Variants in NMU observed in about 807,000 individuals in gnomAD.
NMU encodes the protein neuromedin-U.
NMU carries 29 observed loss-of-function variants against 35.4 expected under a neutral mutation model. The ratio of observed to expected loss-of-function variants is 0.82; its 90% confidence interval spans 0.61 to 1.12. NMU has a LOEUF of 1.12. Among genes scored for constraint, NMU ranks in the 50% most tolerant of loss-of-function variants. The pLI is 0.00. For missense variants in NMU, 199 were observed against 206.2 expected, an observed-to-expected ratio of 0.97 and a Z score of 0.21; for synonymous variants, 78 against 81.3, an observed-to-expected ratio of 0.96 and a Z score of 0.22.
intron 2 of NMU, among the ~76,000 whole-genome samples, chr4:55,626,904 G>C (rs1734554083): frequency 6.6e-6 from 1 of 152,204 alleles, no homozygotes; most frequent in South Asian, 2.1e-4. Context: ...TCCTAACAAA[G>C]ATATTGCCCT....
chr4:55,620,029 A>G (rs1004170666), intron 2 of NMU, among the ~76,000 whole-genome samples: 3 of 148,320 alleles, frequency 2.0e-5, no homozygotes, highest in African/African-American at 7.4e-5. Flanking sequence ...CACCATCATC[A>G]AAGACCAAAA....
chr4:55,628,378 T>C (rs1456481458), intron 2 of NMU, among the ~76,000 whole-genome samples: 1 of 152,180 alleles, frequency 6.6e-6, no homozygotes, highest in South Asian at 2.1e-4. Flanking sequence ...GACTTCCCCC[T>C]GCCTTTTGAA....
chr4:55,617,219 G>A lies in NMU; in HGVS notation c.172-834C>T, dbSNP rs563808084. 5.1e-4 allele frequency among the ~76,000 whole-genome samples: 78 copies of A among 152,062 alleles called. No homozygotes were observed. In the South Asian group the frequency reaches 0.011, roughly 22 times the overall value. On this transcript the variant is annotated intron_variant, in intron 2 of 9. Transcript: ENST00000264218. ...AATTCTTTTTCTCATACCAGGGGGC[G>A]GATTATTATACTCTACTGTCATAAA...
chr4:55,608,076 G>A (rs2110192084), intron 4 of NMU, among the ~76,000 whole-genome samples: 1 of 151,710 alleles, frequency 6.6e-6, no homozygotes, highest in South Asian at 2.1e-4. Context: ...TCAGGAGGCT[G>A]AGGCAGAAGA....
intron 2 of NMU, among the ~76,000 whole-genome samples, chr4:55,627,941 A>G (rs966986961): frequency 8.5e-5 from 13 of 152,254 alleles, no homozygotes; most frequent in Non-Finnish European, 2.9e-5. Context: ...AAGGTTATGT[A>G]TCAAACTTCT....
chr4:55,595,491 TATAA>T (rs1733129169), intron 9 of NMU, 80 bp from the exon 10 acceptor site: 2 of 150,248 alleles, frequency 1.3e-5, no homozygotes, highest in South Asian at 4.2e-4. Flanking sequence ...TAGACATTTC[TATAA>T]ATATTTTGTC....
At chr4:55,634,139 T>C (rs1715772532) in intron 1 of NMU, among the ~76,000 whole-genome samples, 1 of 152,226 alleles carries the variant, frequency 6.6e-6, no homozygotes, top group Non-Finnish European at 1.5e-5. Flanking sequence ...TCCAGTTGCA[T>C]CTTGCATGAT....
At chr4:55,629,516 G>A (rs1302145657) in intron 2 of NMU, among the ~76,000 whole-genome samples, 1 of 151,690 alleles carries the variant, frequency 6.6e-6, no homozygotes, top group Non-Finnish European at 1.5e-5. Flanking sequence ...CTACTTGGGA[G>A]GCTGAGGTGG....
intron 2 of NMU, 72 bp downstream of exon 2, chr4:55,630,330 T>A: frequency 1.8e-6 from 2 of 1,087,018 alleles, no homozygotes; most frequent in Non-Finnish European, 2.8e-6. Flanking sequence ...CAAAGCTCAA[T>A]TATACATTTT....
intron 9 of NMU, among the ~76,000 whole-genome samples, chr4:55,597,265 G>C (rs74676809): frequency 0.038 from 5,710 of 151,618 alleles, 364 homozygotes; most frequent in African/African-American, 0.13. Context: ...TTCTTTCTCT[G>C]AGCTGAAAAA....
At chr4:55,618,308 C>A (rs952185489) in intron 2 of NMU, among the ~76,000 whole-genome samples, 1 of 152,040 alleles carries the variant, frequency 6.6e-6, no homozygotes, top group Non-Finnish European at 1.5e-5. Flanking sequence ...CCCATCAACT[C>A]GTCATCTAGG....
intron 3 of NMU, among the ~76,000 whole-genome samples, chr4:55,611,346 G>A (rs1211891758): frequency 6.6e-6 from 1 of 152,094 alleles, no homozygotes; most frequent in Non-Finnish European, 1.5e-5. Flanking sequence ...CTGGATGACA[G>A]AATGAAACCC....
In NMU at chr4:55,604,018, T is replaced by TAC. The variant is rs1560513693; in HGVS notation, c.435+1256_435+1257insGT. ...ATATACGTATATATGTATATATGTG[T>TAC]ATATATATAATCCTAGAAATTATCA... On this transcript the variant is annotated intron_variant, in intron 7 of 9. Coordinates refer to ENST00000264218, the MANE Select transcript of NMU (RefSeq NM_006681.4). Among the ~76,000 whole-genome samples, 28 of 79,568 alleles carry TAC rather than the reference T, an allele frequency of 3.5e-4. 10 individuals are homozygous for TAC. The highest frequency in any genetic ancestry group is 4.7e-4 in the East Asian group (1 of 2,136). The allele number at this position is 79,568 out of a possible 152,430, so 52.2% of individuals were successfully genotyped here.
chr4:55,610,849 C>T (rs1262966414), intron 3 of NMU, among the ~76,000 whole-genome samples: 1 of 152,188 alleles, frequency 6.6e-6, no homozygotes, highest in Admixed American at 6.5e-5. Flanking sequence ...CTCCTATCAT[C>T]TAGTCACATC....
intron 7 of NMU, among the ~76,000 whole-genome samples, chr4:55,604,679 AT>A (rs767568542): frequency 2.4e-3 from 115 of 47,614 alleles, no homozygotes; most frequent in African/African-American, 8.5e-3. Flanking sequence ...TGCCTGGCTA[AT>A]TTTTTTTTTT....
At chr4:55,619,920 G>A (rs1477596531) in intron 2 of NMU, among the ~76,000 whole-genome samples, 64 of 135,588 alleles carry the variant, frequency 4.7e-4, no homozygotes, top group Non-Finnish European at 9.7e-4. Context: ...CACCTCACAA[G>A]GCAGGGTATT....
At chr4:55,629,533 C>A (rs1033317483) in intron 2 of NMU, among the ~76,000 whole-genome samples, 1 of 146,138 alleles carries the variant, frequency 6.8e-6, no homozygotes, top group Admixed American at 7.1e-5. Flanking sequence ...GTGGGAGAAT[C>A]GCTTGAACCC....
In NMU at chr4:55,635,960, A is replaced by G; in HGVS notation, c.112+121T>C. On this transcript the variant is annotated intron_variant, in intron 1 of 9. Coordinates refer to ENST00000264218, the MANE Select transcript of NMU (RefSeq NM_006681.4). ...GGCGGGAAACCCCGCGGCACCAGAG[A>G]AGCCAAGTGAAGTCCCAGAAGCCAA... is the stretch of plus-strand genomic sequence containing the variant. 2.7e-6 allele frequency: 4 copies of G among 1,495,770 alleles called. No homozygotes were observed. The South Asian group carries it at 4.8e-5, about 18-fold the overall frequency. The allele number at this position is 1,495,770 out of a possible 1,614,324, so 92.7% of individuals were successfully genotyped here.
intron 1 of NMU, among the ~76,000 whole-genome samples, chr4:55,630,799 ACAT>A (rs1188222890): frequency 6.6e-6 from 1 of 152,092 alleles, no homozygotes; most frequent in African/African-American, 2.4e-5. Flanking sequence ...CAAAACACCA[ACAT>A]CATTTTTTAC....
Sources: allele counts gnomAD v4.1 joint callset (sites outside exome capture counted in the v4.1 genomes callset), GRCh38; gene constraint gnomAD v4.1.1; transcripts MANE v1.5; gene names NCBI Gene and HGNC (gene_info 2026-07-23, HGNC 2026-07-21).